Variants in DLC1 observed in about 807,000 individuals in gnomAD.
The protein encoded by DLC1 is rho GTPase-activating protein 7.
In DLC1, 54 loss-of-function variants were observed where a neutral mutation model predicts 140.3. The observed-to-expected ratio is 0.38, with a 90% confidence interval of 0.31 to 0.48. DLC1 has a LOEUF of 0.48. DLC1 is among the 20% of genes least tolerant of loss of function. The pLI, the probability that DLC1 is intolerant of heterozygous loss-of-function variation, is 0.96. For synonymous variants in DLC1, 986 were observed against 728.1 expected (o/e 1.35, Z -5.70); for missense variants, 2,536 against 1,907.0 (o/e 1.33, Z -6.14).
intron 4 of DLC1, among the ~76,000 whole-genome samples, chr8:13,377,363 C>G (rs1272614290): frequency 6.6e-6 from 1 of 152,120 alleles, no homozygotes; most frequent in Admixed American, 6.5e-5. Context: ...TAAAGATGGT[C>G]ACAAATATGA....
intron 4 of DLC1, among the ~76,000 whole-genome samples, chr8:13,382,569 T>C (rs1379699650): frequency 8.2e-6 from 1 of 121,490 alleles, no homozygotes; most frequent in Non-Finnish European, 1.8e-5. Flanking sequence ...AGTATTAAAA[T>C]ATAAAGGTGC....
intron 1 of DLC1, among the ~76,000 whole-genome samples, chr8:13,513,234 A>G (rs974275950): frequency 9.9e-5 from 15 of 152,222 alleles, no homozygotes; most frequent in African/African-American, 3.4e-4. Context: ...AGAGGAGACC[A>G]TCTCTTATGT....
In DLC1 at chr8:13,469,989, G is replaced by A. The variant is rs535330886; in HGVS notation, c.1023+29060C>T. On this transcript the variant is annotated intron_variant, in intron 2 of 17. Transcript: ENST00000276297. ...TATTTTGTATAGAAAGTGGCATTTG[G>A]ATTTCCCTCAATTTTTATTTCATTT... Among the ~76,000 whole-genome samples, 16 of 152,168 alleles carry A rather than the reference G, an allele frequency of 1.1e-4. No individual in the cohort carries two copies. In the East Asian group the frequency reaches 1.5e-3, roughly 15 times the overall value.
intron 4 of DLC1, among the ~76,000 whole-genome samples, chr8:13,321,553 A>C (rs1833120691): frequency 4.7e-5 from 7 of 150,524 alleles, no homozygotes; most frequent in African/African-American, 9.8e-5. Context: ...GAAAAAAAAA[A>C]AAAAAAAAAA....
chr8:13,339,107 T>C (rs1006136074), intron 4 of DLC1, among the ~76,000 whole-genome samples: 11 of 152,220 alleles, frequency 7.2e-5, no homozygotes. Flanking sequence ...ATTAATTAAC[T>C]GAATCATTCC....
chr8:13,125,127 C>G (rs906797087), intron 5 of DLC1, among the ~76,000 whole-genome samples: 2 of 152,102 alleles, frequency 1.3e-5, no homozygotes, highest in African/African-American at 2.4e-5. Flanking sequence ...CAGGTGCTCA[C>G]GACCACACCC....
At chr8:13,223,703 A>G (rs2117168375) in intron 5 of DLC1, among the ~76,000 whole-genome samples, 1 of 152,362 alleles carries the variant, frequency 6.6e-6, no homozygotes, top group African/African-American at 2.4e-5. Flanking sequence ...ATAAACAACA[A>G]GCACTCCATT....
At chr8:13,465,996 C>G (rs1424042196) in intron 2 of DLC1, among the ~76,000 whole-genome samples, 3 of 152,164 alleles carry the variant, frequency 2.0e-5, no homozygotes, top group African/African-American at 7.2e-5. Flanking sequence ...CAACCACCTC[C>G]TGGTGACCTC....
Position 13,493,099 on chromosome 8 carries a change from T to C in DLC1, c.1023+5950A>G, listed in dbSNP as rs998982084. The stretch of plus-strand genomic sequence containing the variant: ...AAATAAGTTTCATTGCCAGCTCCAG[T>C]CTTTAGCCTAGGGAAACAAGTGTCA... On this transcript the variant is annotated intron_variant, in intron 2 of 17. Transcript: ENST00000276297. 2.0e-5 allele frequency among the ~76,000 whole-genome samples: 3 copies of C among 152,140 alleles called. No individual in the cohort carries two copies. In the East Asian group the frequency reaches 5.8e-4, roughly 29 times the overall value.
intron 2 of DLC1, among the ~76,000 whole-genome samples, chr8:13,409,816 AT>A (rs1431097484): frequency 3.9e-5 from 6 of 152,168 alleles, no homozygotes; most frequent in African/African-American, 1.4e-4. Context: ...GATTGTCAGT[AT>A]ACTTGTATAG....
At chr8:13,188,829 A>ATATATATATATATATATATATATGTG (rs1563149789) in intron 5 of DLC1, among the ~76,000 whole-genome samples, 2 of 27,196 alleles carry the variant, frequency 7.4e-5, no homozygotes, top group Non-Finnish European at 1.5e-4. Flanking sequence ...ATATATATGT[A>ATATATATATATATATATATATATGTG]TATATATATA....
At chr8:13,426,352 A>G (rs972224261) in intron 2 of DLC1, among the ~76,000 whole-genome samples, 3 of 152,166 alleles carry the variant, frequency 2.0e-5, no homozygotes, top group Non-Finnish European at 2.9e-5. Context: ...TAAATCACAC[A>G]CTTGTGCTAC....
intron 7 of DLC1, among the ~76,000 whole-genome samples, chr8:13,109,216 A>C (rs1356263626): frequency 6.6e-6 from 1 of 152,144 alleles, no homozygotes; most frequent in Non-Finnish European, 1.5e-5. Context: ...ACAAAGAGGA[A>C]AGAAATACTG....
chr8:13,442,032 C>A (rs553401441), intron 2 of DLC1, among the ~76,000 whole-genome samples: 115 of 152,226 alleles, frequency 7.6e-4, no homozygotes, highest in Non-Finnish European at 1.4e-3. Context: ...TAGAACAGAG[C>A]CCTCAGAAAT....
At chr8:13,343,854 A>C (rs1834190731) in intron 4 of DLC1, among the ~76,000 whole-genome samples, 1 of 152,180 alleles carries the variant, frequency 6.6e-6, no homozygotes, top group African/African-American at 2.4e-5. Context: ...TCTGAAAATA[A>C]GGCTACAGTA....
intron 1 of DLC1, among the ~76,000 whole-genome samples, chr8:13,546,189 C>G (rs1453107107): frequency 6.6e-6 from 1 of 152,038 alleles, no homozygotes; most frequent in Non-Finnish European, 1.5e-5. Flanking sequence ...GGTCATTAAT[C>G]TTTGTTTCAG....
chr8:13,129,238 C>G (rs1001973036), intron 5 of DLC1, among the ~76,000 whole-genome samples: 8 of 152,188 alleles, frequency 5.3e-5, no homozygotes. Context: ...GAGGAACAGC[C>G]TTCACCTCCC....
chr8:13,201,649 G>A, intron 5 of DLC1, among the ~76,000 whole-genome samples: 1 of 151,950 alleles, frequency 6.6e-6, no homozygotes, highest in Non-Finnish European at 1.5e-5. Flanking sequence ...GTGTCACTGA[G>A]ATTTTTGGAG....
chr8:13,311,629 A>G (rs754368292), intron 4 of DLC1, among the ~76,000 whole-genome samples: 1 of 152,216 alleles, frequency 6.6e-6, no homozygotes, highest in Non-Finnish European at 1.5e-5. Flanking sequence ...CACTGACTTT[A>G]ACAACTGTCT....
Sources: gnomAD v4.1 joint callset for allele counts (sites outside exome capture counted in the v4.1 genomes callset) on GRCh38, gnomAD v4.1.1 for gene constraint, MANE v1.5 for transcripts, NCBI Gene and HGNC (gene_info 2026-07-23, HGNC 2026-07-21) for gene names.